ENTREP2: variants seen among roughly 807,000 people sequenced by gnomAD.
ENTREP2 encodes the protein protein ENTREP2.
the ENTREP2 span, among the ~76,000 whole-genome samples, chr15:29,287,152 T>TAA: frequency 2.0e-5 from 3 of 152,210 alleles, no homozygotes; most frequent in African/African-American, 7.2e-5. Flanking sequence ...ACACCCTTTT[T>TAA]AAGCCCTTAA....
At chr15:29,463,132 G>A in the ENTREP2 span, among the ~76,000 whole-genome samples, 1 of 152,128 alleles carries the variant, frequency 6.6e-6, no homozygotes, top group Non-Finnish European at 1.5e-5. Flanking sequence ...ACGAGGCTCA[G>A]GCTGATTCCC....
At chr15:29,259,650 A>ACC in the ENTREP2 span, among the ~76,000 whole-genome samples, 1 of 151,668 alleles carries the variant, frequency 6.6e-6, no homozygotes, top group South Asian at 2.1e-4. Context: ...CACCCTGCTC[A>ACC]CCCTCCCTCC....
chr15:29,200,472 C>T, the ENTREP2 span, among the ~76,000 whole-genome samples: 1 of 151,904 alleles, frequency 6.6e-6, no homozygotes. Context: ...CACCACACCT[C>T]GTCTCCATAT....
At chr15:29,577,409 A>G in the ENTREP2 span, among the ~76,000 whole-genome samples, 1 of 151,570 alleles carries the variant, frequency 6.6e-6, no homozygotes, top group African/African-American at 2.4e-5. Context: ...GCTGGAGTGC[A>G]GTGGCACAAA....
chr15:29,617,144 A>ACGGCAGGCTGT, the ENTREP2 span, among the ~76,000 whole-genome samples: 2 of 152,176 alleles, frequency 1.3e-5, no homozygotes, highest in Admixed American at 1.3e-4. Context: ...GGGAAGTCCC[A>ACGGCAGGCTGT]CGGCAGGCTG....
the ENTREP2 span, among the ~76,000 whole-genome samples, chr15:29,541,273 T>A: frequency 6.6e-6 from 1 of 152,142 alleles, no homozygotes; most frequent in Non-Finnish European, 1.5e-5. Context: ...ACTCATCTCA[T>A]CTGTTCACTC....
At chr15:29,234,467 A>G in the ENTREP2 span, 65 of 1,479,230 alleles carry the variant, frequency 4.4e-5, no homozygotes, top group African/African-American at 8.2e-4. Context: ...TCTTGTGCCC[A>G]GCATTCGCCT....
At chr15:29,198,098 A>G in the ENTREP2 span, among the ~76,000 whole-genome samples, 1 of 152,216 alleles carries the variant, frequency 6.6e-6, no homozygotes, top group Non-Finnish European at 1.5e-5. Context: ...AGAGGAACTC[A>G]GCTTAGCTTA....
At chr15:29,604,703 G>A in the ENTREP2 span, among the ~76,000 whole-genome samples, 4 of 152,140 alleles carry the variant, frequency 2.6e-5, no homozygotes, top group Non-Finnish European at 5.9e-5. Flanking sequence ...TCTTGGCAAA[G>A]TATCTCAACA....
the ENTREP2 span, among the ~76,000 whole-genome samples, chr15:29,174,925 C>G: frequency 6.6e-6 from 1 of 152,144 alleles, no homozygotes; most frequent in East Asian, 1.9e-4. Flanking sequence ...ATAGGTAATG[C>G]ATGAATTTGT....
the ENTREP2 span, among the ~76,000 whole-genome samples, chr15:29,649,995 CA>C: frequency 2.6e-5 from 4 of 151,934 alleles, no homozygotes; most frequent in African/African-American, 9.7e-5. Context: ...ACCACCCCCA[CA>C]AAAAAATTGT....
chr15:29,420,637 T>G, the ENTREP2 span, among the ~76,000 whole-genome samples: 8 of 152,172 alleles, frequency 5.3e-5, no homozygotes, highest in Non-Finnish European at 1.2e-4. Flanking sequence ...GATCTCAGTC[T>G]GCTATGAAGA....
At chr15:29,262,158 A>G in the ENTREP2 span, among the ~76,000 whole-genome samples, 1 of 151,372 alleles carries the variant, frequency 6.6e-6, no homozygotes, top group South Asian at 2.1e-4. Flanking sequence ...GTAAAGATGC[A>G]TGGTGTTATG....
the ENTREP2 span, among the ~76,000 whole-genome samples, chr15:29,631,147 A>T: frequency 6.6e-6 from 1 of 151,956 alleles, no homozygotes; most frequent in Non-Finnish European, 1.5e-5. Flanking sequence ...CTTTGCTGAG[A>T]CTTTCTATGT....
chr15:29,221,233 G>C, the ENTREP2 span, among the ~76,000 whole-genome samples: 5 of 150,514 alleles, frequency 3.3e-5, no homozygotes, highest in African/African-American at 1.2e-4. Flanking sequence ...ACGGAGTCTA[G>C]CTCTGTCGCC....
the ENTREP2 span, among the ~76,000 whole-genome samples, chr15:29,482,136 T>C: frequency 2.6e-5 from 4 of 151,724 alleles, no homozygotes; most frequent in Non-Finnish European, 5.9e-5. Flanking sequence ...TAGCTGGGAT[T>C]ACAGGTGCCT....
At chr15:29,537,187 C>T in the ENTREP2 span, among the ~76,000 whole-genome samples, 2 of 152,192 alleles carry the variant, frequency 1.3e-5, no homozygotes, top group Admixed American at 6.5e-5. Context: ...GAAGGCAACT[C>T]GATCAACTGG....
At chr15:29,313,611 AT>A in the ENTREP2 span, among the ~76,000 whole-genome samples, 2 of 152,240 alleles carry the variant, frequency 1.3e-5, no homozygotes, top group Non-Finnish European at 2.9e-5. Flanking sequence ...CAGAAAAAAA[AT>A]ATGCCTTTCA....
the ENTREP2 span, among the ~76,000 whole-genome samples, chr15:29,283,467 G>A: frequency 2.6e-5 from 4 of 152,140 alleles, no homozygotes; most frequent in Non-Finnish European, 4.4e-5. Context: ...TCCTGTCTCA[G>A]CCTTTCCAGT....
Sources: gnomAD v4.1 joint callset for allele counts (sites outside exome capture counted in the v4.1 genomes callset) on GRCh38, gnomAD v4.1.1 for gene constraint, MANE v1.5 for transcripts, NCBI Gene and HGNC (gene_info 2026-07-23, HGNC 2026-07-21) for gene names.